SPDYE17: variants seen among roughly 807,000 people sequenced by gnomAD.
SPDYE17 encodes speedy protein E17.
For synonymous variants in SPDYE17, 4 were observed against 14.8 expected, an observed-to-expected ratio of 0.27 and a Z score of 1.68; for missense variants, 7 against 38.0, an observed-to-expected ratio of 0.18 and a Z score of 2.15.
chr7:77,027,884 T>A (rs1789458442), intron 4 of SPDYE17, among the ~76,000 whole-genome samples: 1 of 131,256 alleles, frequency 7.6e-6, no homozygotes, highest in Non-Finnish European at 1.6e-5. Context: ...TAATCCCAGC[T>A]GCTTGGAGGC....
rs1168648040 is a variant in SPDYE17, at chr7:77,022,915, A to G, written c.*918T>C. Among the ~76,000 whole-genome samples the G allele has an allele frequency of 5.3e-5, 6 of 113,606 alleles. No individual in the cohort carries two copies. In the South Asian group the frequency reaches 1.7e-3, roughly 33 times the overall value. 74.5% of individuals were successfully genotyped at this position (113,606 alleles called of 152,430 possible). A position where few individuals can be genotyped will look rare whatever the true frequency, so the allele number is the denominator to read the frequency against. The stretch of plus-strand genomic sequence containing the variant: ...AATAAACCAATAAAATAGATAGTAT[A>G]CATTAGACGTGTTAGTATATATATC... On this transcript the variant is annotated 3_prime_UTR_variant, in exon 8 of 8. Transcript: ENST00000671986.
rs1463059887 is a variant in SPDYE17, at chr7:77,022,988, A to G, written c.*845T>C. Among the ~76,000 whole-genome samples the G allele has an allele frequency of 5.8e-5, 6 of 104,166 alleles. 2 individuals are homozygous for G. The East Asian group carries it at 1.6e-3, about 28-fold the overall frequency. 68.3% of individuals were successfully genotyped at this position (104,166 alleles called of 152,430 possible). On this transcript the variant is annotated 3_prime_UTR_variant, in exon 8 of 8. Coordinates refer to ENST00000671986, the MANE Select transcript of SPDYE17 (RefSeq NM_001351351.3). ...CTGAATTCTCACAATTCAGTCACAAACCTAAACAGCAAATAAAAATTTCTA... is the reference window on the plus strand; with the variant it reads ...CTGAATTCTCACAATTCAGTCACAAGCCTAAACAGCAAATAAAAATTTCTA...
chr7:77,029,332 A>C lies in SPDYE17; in HGVS notation c.250T>G (p.Trp84Gly). The C allele has an allele frequency of 1.6e-5, 2 of 124,482 alleles. No homozygotes were observed. The highest frequency in any genetic ancestry group is 2.5e-5 in the Non-Finnish European group (2 of 79,988). The allele number at this position is 124,482 out of a possible 1,614,324, so 7.7% of individuals were successfully genotyped here. A position where few individuals can be genotyped will look rare whatever the true frequency, so the allele number is the denominator to read the frequency against. Reference protein sequence around the residue: ...KELAPEPEETWVAETLCGLKM... With the variant: ...KELAPEPEETGVAETLCGLKM... ...AGGCCACACAGCGTCTCCGCCACCC[A>C]GGTCTCCTCAGGCTCAGGGGCGAGC... is the stretch of plus-strand genomic sequence containing the variant. The change falls in exon 3 of 8, where the codon TGG becomes GGG. Residue 84 changes from tryptophan to glycine, a missense_variant. Trp to Gly is a radical substitution (Grantham distance 184, BLOSUM62 -2). Coordinates refer to ENST00000671986, the MANE Select transcript of SPDYE17 (RefSeq NM_001351351.3).
At chr7:77,025,498 G>A (rs1379979868) in intron 5 of SPDYE17, 7 of 202,902 alleles carry the variant, frequency 3.4e-5, no homozygotes, top group Non-Finnish European at 5.3e-5. Context: ...TAATCCCAGC[G>A]CTTTGGAAGG....
At chr7:77,027,961 C>T (rs1370267323) in intron 4 of SPDYE17, among the ~76,000 whole-genome samples, 181 bp downstream of exon 4, 1 of 131,282 alleles carries the variant, frequency 7.6e-6, no homozygotes, top group South Asian at 3.1e-4. Flanking sequence ...AGACACTGCC[C>T]TCCAGCCTGG....
At chr7:77,029,698 C>CTTTTTTTTTTTT (rs1166509214) in intron 2 of SPDYE17, among the ~76,000 whole-genome samples, 3 of 41,606 alleles carry the variant, frequency 7.2e-5, no homozygotes, top group African/African-American at 4.9e-4. Context: ...CTGAGTCCCT[C>CTTTTTTTTTTTT]TTTTTTTTTT....
At position 77,029,309 on chromosome 7, in the gene SPDYE17, G is replaced by A. The variant is rs1789473483; in HGVS notation, c.273C>T (p.Gly91=). The change falls in exon 3 of 8, where the codon GGC becomes GGT. Residue 91 remains glycine, a synonymous_variant. Transcript: ENST00000671986. ...GCCGTCGCTTCGCCTTCATCTTGAG[G>A]CCACACAGCGTCTCCGCCACCCAGG... is the stretch of plus-strand genomic sequence containing the variant. The part of the protein sequence containing the change: ...EETWVAETLC[G]LKMKAKRRRV... 4 of 109,396 alleles carry A rather than the reference G, an allele frequency of 3.7e-5. No individual in the cohort carries two copies. Among genetic ancestry groups the A allele is most frequent in the Non-Finnish European group, 5.6e-5 (4 of 70,892 alleles). 6.8% of individuals were successfully genotyped at this position (109,396 alleles called of 1,614,324 possible).
chr7:77,028,024 A>C (rs1405524719), intron 4 of SPDYE17, 118 bp downstream of exon 4: 35 of 737,206 alleles, frequency 4.7e-5, no homozygotes, highest in Non-Finnish European at 6.6e-5. Flanking sequence ...AAAACAAAAA[A>C]AAACTGTAGG....
rs1270658715 is a variant in SPDYE17 at position 77,032,234 on chromosome 7, A to C, written c.-454+6T>G. Among the ~76,000 whole-genome samples, 5 of 123,580 alleles carry C rather than the reference A, an allele frequency of 4.0e-5. 1 individual carries two copies. The highest frequency in any genetic ancestry group is 6.0e-5 in the African/African-American group (2 of 33,340). 81.1% of individuals were successfully genotyped at this position (123,580 alleles called of 152,430 possible). ...TCAAAAAAAAAAAAAAACAAACAAA[A>C]AGAACCTGTGGATGAGTTCCCACAT... On this transcript the variant is annotated splice_donor_region_variant and intron_variant, in intron 1 of 7. Transcript: ENST00000671986.
In SPDYE17 at chr7:77,029,660, C is replaced by T. The variant is rs1789477380; in HGVS notation, c.131-209G>A. On this transcript the variant is annotated intron_variant, in intron 2 of 7. Transcript: ENST00000671986. Reference sequence around the variant, plus strand: ...CCTCTCTCTGTCCTCAGAACACTGCCTCATATCCTTCCCTGGTCCCTGGCT... The same window carrying T: ...CCTCTCTCTGTCCTCAGAACACTGCTTCATATCCTTCCCTGGTCCCTGGCT... 3.5e-5 allele frequency among the ~76,000 whole-genome samples: 2 copies of T among 57,828 alleles called. 1 individual carries two copies. The highest frequency in any genetic ancestry group is 1.9e-3 in the South Asian group (2 of 1,052). The allele number at this position is 57,828 out of a possible 152,430, so 37.9% of individuals were successfully genotyped here.
chr7:77,023,087 CAT>C lies in SPDYE17; in HGVS notation c.*744_*745del, dbSNP rs1789395024. Among the ~76,000 whole-genome samples the C allele has an allele frequency of 2.6e-5, 2 of 77,774 alleles. No homozygotes were observed. The highest frequency in any genetic ancestry group is 8.5e-4 in the South Asian group (2 of 2,350). The allele number at this position is 77,774 out of a possible 152,430, so 51.0% of individuals were successfully genotyped here. ...ATAGAAGAGATTATTATGGAAGTAT[CAT>C]AGATAAAAAGAGTGCTCGCTTCAGG... On this transcript the variant is annotated 3_prime_UTR_variant, in exon 8 of 8. Coordinates refer to ENST00000671986, the MANE Select transcript of SPDYE17 (RefSeq NM_001351351.3).
chr7:77,025,339 G>T (rs1789414581), intron 5 of SPDYE17: 1 of 52,328 alleles, frequency 1.9e-5, no homozygotes, highest in Non-Finnish European at 3.2e-5. Flanking sequence ...GACCAAGAGT[G>T]GTGGCTTATG....
chr7:77,028,287 G>C lies in SPDYE17; in HGVS notation c.350-87C>G, dbSNP rs1397685028. 3.6e-5 allele frequency: 38 copies of C among 1,046,658 alleles called. 6 individuals carry two copies. The Admixed American group carries it at 7.8e-4, about 22-fold the overall frequency. 64.8% of individuals were successfully genotyped at this position (1,046,658 alleles called of 1,614,324 possible). A position where few individuals can be genotyped will look rare whatever the true frequency, so the allele number is the denominator to read the frequency against. On this transcript the variant is annotated intron_variant, in intron 3 of 7. Coordinates refer to ENST00000671986, the MANE Select transcript of SPDYE17 (RefSeq NM_001351351.3). ...GGCAGCGAGGAGAAGTGTGCCTCCCGGGGGAAAGTCTCAGGATTGTGGCTG... is the reference window on the plus strand; with the variant it reads ...GGCAGCGAGGAGAAGTGTGCCTCCCCGGGGAAAGTCTCAGGATTGTGGCTG...
At chr7:77,029,698 CTTTTTTTT>C (rs1166509214) in intron 2 of SPDYE17, among the ~76,000 whole-genome samples, 2 of 41,608 alleles carry the variant, frequency 4.8e-5, no homozygotes, top group Non-Finnish European at 3.6e-5. Flanking sequence ...CTGAGTCCCT[CTTTTTTTT>C]TTTTTTTTTT....
At chr7:77,026,064 G>T (rs1789427090) in intron 5 of SPDYE17, among the ~76,000 whole-genome samples, 1 of 128,430 alleles carries the variant, frequency 7.8e-6, no homozygotes, top group South Asian at 2.7e-4. Flanking sequence ...GATGTAACTG[G>T]AGAGCTACGG....
At chr7:77,029,984 A>G (rs1386736613) in intron 2 of SPDYE17, among the ~76,000 whole-genome samples, 5 of 115,248 alleles carry the variant, frequency 4.3e-5, no homozygotes, top group Middle Eastern at 5.3e-3. Flanking sequence ...TGGGATTACA[A>G]GTGTGAGCCA....
intron 5 of SPDYE17, chr7:77,025,652 A>G (rs1339467363): frequency 1.6e-5 from 2 of 126,804 alleles, no homozygotes; most frequent in Admixed American, 1.9e-4. Context: ...GCTGAAGCAT[A>G]AGAATTGTGT....
At chr7:77,028,000 A>C (rs1789461132) in intron 4 of SPDYE17, 142 bp downstream of exon 4, 5 of 666,664 alleles carry the variant, frequency 7.5e-6, no homozygotes, top group Admixed American at 4.0e-5. Context: ...GTCTCACAAA[A>C]AAAAACAAAA....
chr7:77,025,744 TGA>T (rs1789420761), intron 5 of SPDYE17: 1 of 83,386 alleles, frequency 1.2e-5, no homozygotes, highest in African/African-American at 7.3e-5. Flanking sequence ...ACTCTTGTCT[TGA>T]TAAATAAATA....
Sources: gnomAD v4.1 joint callset for allele counts (sites outside exome capture counted in the v4.1 genomes callset) on GRCh38, gnomAD v4.1.1 for gene constraint, MANE v1.5 for transcripts, NCBI Gene and HGNC (gene_info 2026-07-23, HGNC 2026-07-21) for gene names.